The following DAPK1 variants were observed in gnomAD, a reference collection of about 807,000 sequenced individuals.
DAPK1 encodes death-associated protein kinase 1.
In DAPK1, 56 loss-of-function variants were observed where a neutral mutation model predicts 144.9. The ratio of observed to expected loss-of-function variants is 0.39; its 90% confidence interval spans 0.31 to 0.48. DAPK1 has a LOEUF of 0.48. Among genes scored for constraint, DAPK1 ranks in the 20% least tolerant of loss-of-function variants. The probability of loss-of-function intolerance (pLI) is 0.95; values close to 1 mark genes in which losing one functional copy is unlikely to be tolerated. For missense variants in DAPK1, 1,454 were observed against 1,875.4 expected, an observed-to-expected ratio of 0.78 and a Z score of 4.15; for synonymous variants, 690 against 749.0, an observed-to-expected ratio of 0.92 and a Z score of 1.29.
intron 2 of DAPK1, among the ~76,000 whole-genome samples, chr9:87,500,020 A>G (rs1824335034): frequency 6.6e-6 from 1 of 152,214 alleles, no homozygotes; most frequent in African/African-American, 2.4e-5. Context: ...CTTTAAACAA[A>G]CAAAATATGT....
intron 3 of DAPK1, among the ~76,000 whole-genome samples, chr9:87,620,706 G>T (rs1829265237): frequency 6.6e-6 from 1 of 151,870 alleles, no homozygotes; most frequent in Non-Finnish European, 1.5e-5. Flanking sequence ...GGAGGAGGAG[G>T]AGCTGGTGGT....
chr9:87,677,985 A>G (rs559232508), intron 19 of DAPK1, among the ~76,000 whole-genome samples: 5 of 152,152 alleles, frequency 3.3e-5, no homozygotes, highest in Non-Finnish European at 7.3e-5. Flanking sequence ...TCCTCATAAT[A>G]GAATCTGTCC....
At chr9:87,638,541 T>C (rs1003078309) in intron 4 of DAPK1, among the ~76,000 whole-genome samples, 1 of 152,196 alleles carries the variant, frequency 6.6e-6, no homozygotes, top group Non-Finnish European at 1.5e-5. Context: ...CAGGACGCTG[T>C]TGGAGATGAA....
At chr9:87,611,594 G>C (rs1323446382) in intron 3 of DAPK1, among the ~76,000 whole-genome samples, 1 of 152,172 alleles carries the variant, frequency 6.6e-6, no homozygotes, top group East Asian at 1.9e-4. Context: ...GAGTAGCTGG[G>C]ATTACAGGTG....
chr9:87,499,090 A>G lies in DAPK1; in HGVS notation c.13A>G (p.Arg5Gly). The change falls in exon 2 of 26, where the codon AGG becomes GGG. Residue 5 changes from arginine to glycine, a missense_variant. Arg to Gly is a moderately radical substitution (Grantham distance 125, BLOSUM62 -2). Around this residue, in one of 2 missense-constraint regions of DAPK1, gnomAD observed 429 missense variants for 637.5 expected, o/e 0.67. Transcript: ENST00000408954. MTVF[R>G]QENVDDYYDT... is the part of the protein sequence containing the mutation. ...GTGACAGTTTATCATGACCGTGTTC[A>G]GGCAGGAAAACGTGGATGATTACTA... 9 of 1,614,116 alleles carry G rather than the reference A, an allele frequency of 5.6e-6. No individual in the cohort carries two copies. The highest frequency in any genetic ancestry group is 7.6e-6 in the Non-Finnish European group (9 of 1,180,014).
chr9:87,645,830 T>G, intron 11 of DAPK1, 65 bp from the exon 12 acceptor site: 1 of 1,588,140 alleles, frequency 6.3e-7, no homozygotes, highest in East Asian at 2.2e-5. Flanking sequence ...AGGTTTCTTT[T>G]ATGTTGGTAA....
rs931187429 is a variant in DAPK1 at position 87,707,527 on chromosome 9, C to G, written c.*163C>G. ...TTGACCTGTTTCTCTGCCGCTACCT[C>G]CCTCCCCGTCTCATTCCGTTGTCTG... On this transcript the variant is annotated 3_prime_UTR_variant, in exon 26 of 26. Coordinates refer to ENST00000408954, the MANE Select transcript of DAPK1 (RefSeq NM_004938.4). The surrounding 1 kb of genome is among the most constrained non-coding windows in gnomAD (Gnocchi z 4.0). 10 of 601,370 alleles carry G rather than the reference C, an allele frequency of 1.7e-5. No individual in the cohort carries two copies. In the East Asian group the frequency reaches 2.8e-4, roughly 17 times the overall value. The allele number at this position is 601,370 out of a possible 1,614,324, so 37.3% of individuals were successfully genotyped here.
chr9:87,693,627 T>A (rs760228163), intron 21 of DAPK1, among the ~76,000 whole-genome samples: 21 of 152,190 alleles, frequency 1.4e-4, no homozygotes, highest in Non-Finnish European at 2.8e-4. Flanking sequence ...AATATTTCCT[T>A]GCTTTTTCAT....
chr9:87,525,141 C>A (rs562743158), intron 2 of DAPK1, among the ~76,000 whole-genome samples: 1 of 152,280 alleles, frequency 6.6e-6, no homozygotes, highest in African/African-American at 2.4e-5. Context: ...TGTGGATGAC[C>A]CTGTGCAAAC....
intron 2 of DAPK1, chr9:87,506,764 A>G (rs1824616353): frequency 6.6e-6 from 1 of 152,238 alleles, no homozygotes; most frequent in Non-Finnish European, 1.5e-5. Flanking sequence ...GTACAATTAT[A>G]ATAAATTCAG....
chr9:87,658,434 T>TA (rs1830710957), intron 18 of DAPK1, among the ~76,000 whole-genome samples: 1 of 152,174 alleles, frequency 6.6e-6, no homozygotes, highest in Non-Finnish European at 1.5e-5. Context: ...TGTGTGTACT[T>TA]CCCCTTCCTA....
At chr9:87,549,082 A>G (rs1826375126) in intron 2 of DAPK1, among the ~76,000 whole-genome samples, 1 of 151,756 alleles carries the variant, frequency 6.6e-6, no homozygotes. Context: ...ATTCTTCCTG[A>G]TGCTCTCCCT....
chr9:87,504,701 G>T (rs1824525231), intron 2 of DAPK1, among the ~76,000 whole-genome samples: 1 of 152,142 alleles, frequency 6.6e-6, no homozygotes, highest in East Asian at 1.9e-4. Context: ...TTAGTTCCAG[G>T]ACCTCTGGGG....
At chr9:87,654,634 A>G (rs565675786) in intron 17 of DAPK1, among the ~76,000 whole-genome samples, 63 of 152,340 alleles carry the variant, frequency 4.1e-4, no homozygotes, top group African/African-American at 1.4e-3. Context: ...AGCCAAGTGT[A>G]ATATGAAGTA....
chr9:87,601,880 G>A (rs1371479498), intron 2 of DAPK1, among the ~76,000 whole-genome samples: 2 of 152,092 alleles, frequency 1.3e-5, no homozygotes, highest in African/African-American at 4.8e-5. Context: ...CTAACTCCTC[G>A]GGTTCTCAGG....
intron 3 of DAPK1, among the ~76,000 whole-genome samples, chr9:87,625,355 C>T (rs1335188011): frequency 6.6e-6 from 1 of 152,218 alleles, no homozygotes; most frequent in East Asian, 1.9e-4. Flanking sequence ...TAACAACAGG[C>T]TCCCCAGGGG....
intron 2 of DAPK1, among the ~76,000 whole-genome samples, chr9:87,515,393 G>T (rs561035006): frequency 6.6e-6 from 1 of 152,214 alleles, no homozygotes; most frequent in African/African-American, 2.4e-5. Context: ...GGCTTAAAGA[G>T]ATTAAATAAT....
intron 2 of DAPK1, among the ~76,000 whole-genome samples, chr9:87,516,201 A>G (rs1825048021): frequency 1.3e-5 from 2 of 152,006 alleles, no homozygotes; most frequent in African/African-American, 4.8e-5. Context: ...TGTCTCCAGC[A>G]TTACTCCAAT....
At chr9:87,683,814 G>T (rs1304711709) in intron 20 of DAPK1, among the ~76,000 whole-genome samples, 1 of 152,204 alleles carries the variant, frequency 6.6e-6, no homozygotes, top group African/African-American at 2.4e-5. Context: ...AAGCCCCTCT[G>T]CATGAGAGCC....
Sources: gnomAD v4.1 joint callset for allele counts (sites outside exome capture counted in the v4.1 genomes callset) on GRCh38, gnomAD v4.1.1 for gene constraint, gnomAD v4.1.1 regional missense constraint, Gnocchi (gnomAD v3.1) non-coding constraint, MANE v1.5 for transcripts, NCBI Gene and HGNC (gene_info 2026-07-23, HGNC 2026-07-21) for gene names.